Variants in TMEM178B observed in about 807,000 individuals in gnomAD.
TMEM178B encodes transmembrane protein 178B.
In TMEM178B, 5 loss-of-function variants were observed where a neutral mutation model predicts 31.0. That is an observed-to-expected ratio of 0.16 (90% CI 0.08 to 0.34). TMEM178B has a LOEUF of 0.34. TMEM178B is among the 10% of genes least tolerant of loss of function. The pLI, the probability that TMEM178B is intolerant of heterozygous loss-of-function variation, is 1.00. For missense variants in TMEM178B, 275 were observed against 400.3 expected, an observed-to-expected ratio of 0.69 and a Z score of 2.67; for synonymous variants, 164 against 164.0, an observed-to-expected ratio of 1.00 and a Z score of 0.00.
intron 1 of TMEM178B, among the ~76,000 whole-genome samples, chr7:141,158,461 G>A (rs1041651178): frequency 1.2e-4 from 19 of 152,182 alleles, no homozygotes; most frequent in Admixed American, 9.8e-4. Flanking sequence ...TCTGATCAAT[G>A]TCTGTATCCC....
intron 2 of TMEM178B, among the ~76,000 whole-genome samples, chr7:141,379,775 C>T (rs1465313812): frequency 1.3e-5 from 2 of 152,118 alleles, no homozygotes; most frequent in Non-Finnish European, 2.9e-5. Context: ...CATCCACCTT[C>T]CTTCTCTCTC....
intron 2 of TMEM178B, among the ~76,000 whole-genome samples, chr7:141,241,888 G>A (rs1797628363): frequency 2.0e-5 from 3 of 152,076 alleles, no homozygotes; most frequent in Admixed American, 2.0e-4. Flanking sequence ...AATAATCAAT[G>A]TAAAATTTAT....
intron 1 of TMEM178B, among the ~76,000 whole-genome samples, chr7:141,209,177 T>C (rs1276884651): frequency 6.6e-6 from 1 of 152,212 alleles, no homozygotes; most frequent in African/African-American, 2.4e-5. Flanking sequence ...TGTTACAACC[T>C]TCTACCCTTT....
intron 3 of TMEM178B, among the ~76,000 whole-genome samples, chr7:141,468,873 G>A (rs369716720): frequency 7.8e-4 from 119 of 152,308 alleles, no homozygotes; most frequent in Non-Finnish European, 1.3e-3. Flanking sequence ...AGGTGGCGGC[G>A]TCTGATACAT....
chr7:141,492,326 T>C, the TMEM178B span, among the ~76,000 whole-genome samples: 1 of 152,198 alleles, frequency 6.6e-6, no homozygotes, highest in Non-Finnish European at 1.5e-5. Flanking sequence ...TAAATCCTTC[T>C]CTCTTAGTCT....
At chr7:141,435,305 C>G (rs1230214287) in intron 2 of TMEM178B, among the ~76,000 whole-genome samples, 1 of 152,218 alleles carries the variant, frequency 6.6e-6, no homozygotes, top group Non-Finnish European at 1.5e-5. Context: ...AGTATAAGCC[C>G]CTTACAGGGA....
chr7:141,462,150 G>A (rs1802069632), intron 3 of TMEM178B, among the ~76,000 whole-genome samples: 1 of 152,198 alleles, frequency 6.6e-6, no homozygotes, highest in African/African-American at 2.4e-5. Flanking sequence ...TAGCCAATTG[G>A]ACTCTCTTAG....
chr7:141,487,885 T>A, the TMEM178B span, among the ~76,000 whole-genome samples: 2 of 152,084 alleles, frequency 1.3e-5, no homozygotes, highest in Non-Finnish European at 2.9e-5. Flanking sequence ...ACTTTTCTTG[T>A]TCTGCGTGCT....
At chr7:141,409,297 T>G (rs1025209946) in intron 2 of TMEM178B, among the ~76,000 whole-genome samples, 10 of 152,182 alleles carry the variant, frequency 6.6e-5, no homozygotes, top group African/African-American at 2.2e-4. Context: ...AGATGCATTT[T>G]ATTTGGGACT....
intron 2 of TMEM178B, among the ~76,000 whole-genome samples, chr7:141,349,366 A>G (rs2116525963): frequency 6.6e-6 from 1 of 152,320 alleles, no homozygotes; most frequent in East Asian, 1.9e-4. Flanking sequence ...GGATCATCCT[A>G]AAAGCAGACG....
chr7:141,181,832 G>A (rs1019447728), intron 1 of TMEM178B, among the ~76,000 whole-genome samples: 4 of 152,116 alleles, frequency 2.6e-5, no homozygotes, highest in Admixed American at 6.5e-5. Flanking sequence ...TTCAGGATCC[G>A]CAATCACTTT....
At position 141,074,486 on chromosome 7, in the gene TMEM178B, A is replaced by G. The variant is rs1351182594; in HGVS notation, c.176A>G (p.Asn59Ser). Residue 59 changes from asparagine (N) to serine (S), a missense_variant, in exon 1 of 4, where the codon AAT becomes AGT. Asn to Ser is a conservative substitution (Grantham distance 46, BLOSUM62 1). Coordinates refer to ENST00000565468, the MANE Select transcript of TMEM178B (RefSeq NM_001195278.2). The surrounding 1 kb of genome is among the most constrained non-coding windows in gnomAD (Gnocchi z 5.1). ...RRVDPGFIYN[N>S]NNNLPLRASR... ...GTCGACCCCGGCTTCATTTACAACA[A>G]TAACAACAACTTGCCGCTCCGGGCG... The G allele has an allele frequency of 9.1e-6, 14 of 1,536,034 alleles. No individual in the cohort carries two copies. Among genetic ancestry groups the G allele is most frequent in the East Asian group, 2.4e-5 (1 of 40,890 alleles).
intron 3 of TMEM178B, among the ~76,000 whole-genome samples, chr7:141,464,610 A>G (rs180967387): frequency 4.6e-5 from 7 of 152,314 alleles, no homozygotes; most frequent in Admixed American, 4.6e-4. Flanking sequence ...AAGGGCAGGG[A>G]TCATGTCTTA....
chr7:141,136,654 G>A (rs1795680197), intron 1 of TMEM178B, among the ~76,000 whole-genome samples: 1 of 152,034 alleles, frequency 6.6e-6, no homozygotes, highest in African/African-American at 2.4e-5. Context: ...GAATATATAA[G>A]GAACTCAAAC....
intron 1 of TMEM178B, among the ~76,000 whole-genome samples, chr7:141,089,649 G>A (rs1794846643): frequency 6.6e-6 from 1 of 152,142 alleles, no homozygotes; most frequent in South Asian, 2.1e-4. Context: ...AGAAAATGTG[G>A]CACATATACA....
chr7:141,131,112 A>T (rs1179601363), intron 1 of TMEM178B, among the ~76,000 whole-genome samples: 1 of 152,148 alleles, frequency 6.6e-6, no homozygotes, highest in Admixed American at 6.5e-5. Flanking sequence ...CTGAAAGATT[A>T]TTTGTGACCA....
At chr7:141,117,715 G>A (rs1432471656) in intron 1 of TMEM178B, among the ~76,000 whole-genome samples, 1 of 152,196 alleles carries the variant, frequency 6.6e-6, no homozygotes, top group Non-Finnish European at 1.5e-5. Context: ...TCCAGTTTCA[G>A]TATTCTGCAT....
At chr7:141,380,588 GA>G (rs144004570) in intron 2 of TMEM178B, among the ~76,000 whole-genome samples, 3,050 of 152,232 alleles carry the variant, frequency 0.02, 68 homozygotes, top group Admixed American at 0.074. Flanking sequence ...TAAACTTGGG[GA>G]AAAAAGAATT....
rs548839933 is a variant in TMEM178B, at chr7:141,157,443, G to A, written c.383-55148G>A. ...TGCGCGCGTGCACACACACACACACGCACACACACACGCACACCAGCCAAC... is the reference window on the plus strand; with the variant it reads ...TGCGCGCGTGCACACACACACACACACACACACACACGCACACCAGCCAAC... On this transcript the variant is annotated intron_variant, in intron 1 of 3. Coordinates refer to ENST00000565468, the MANE Select transcript of TMEM178B (RefSeq NM_001195278.2). Among the ~76,000 whole-genome samples, 1,489 of 150,396 alleles carry A rather than the reference G, an allele frequency of 9.9e-3. 29 individuals are homozygous for A. The highest frequency in any genetic ancestry group is 0.034 in the African/African-American group (1,378 of 40,632).
Sources: gnomAD v4.1 joint callset for allele counts (sites outside exome capture counted in the v4.1 genomes callset) on GRCh38, gnomAD v4.1.1 for gene constraint, Gnocchi (gnomAD v3.1) non-coding constraint, MANE v1.5 for transcripts, NCBI Gene and HGNC (gene_info 2026-07-23, HGNC 2026-07-21) for gene names.